Variants in CDH3 observed in about 807,000 individuals in gnomAD.
CDH3 encodes cadherin 3, also known as cadherin-3.
A neutral mutation model predicts 82.0 loss-of-function variants in CDH3; 54 were observed. The ratio of observed to expected loss-of-function variants is 0.66; its 90% CI spans 0.53 to 0.83. CDH3 has a LOEUF of 0.83. CDH3 is among the 40% of genes least tolerant of loss of function. CDH3 has a pLI of 0.00. For synonymous variants in CDH3, 446 were observed against 437.9 expected (o/e 1.02, Z -0.23); for missense variants, 1,054 against 1,084.6 (o/e 0.97, Z 0.40).
chr16:68,689,393 A>G (rs1175430527), intron 12 of CDH3, among the ~76,000 whole-genome samples: 1 of 152,070 alleles, frequency 6.6e-6, no homozygotes, highest in Non-Finnish European at 1.5e-5. Flanking sequence ...ATAATTAGCC[A>G]GGCGTGGTAG....
At chr16:68,672,200 A>AT (rs759044904) in intron 2 of CDH3, among the ~76,000 whole-genome samples, 55,356 of 141,784 alleles carry the variant, frequency 0.39, 11,968 homozygotes, top group East Asian at 0.6. Context: ...CAAAAAAAAA[A>AT]AAAATAAATA....
exon 3 of CDH3, among the ~76,000 whole-genome samples, chr16:68,727,239 C>T (rs897719540): frequency 1.3e-5 from 2 of 152,214 alleles, no homozygotes; most frequent in African/African-American, 4.8e-5. Context: ...AGCAGCCCCC[C>T]AGTGTTCTCA....
intron 2 of CDH3, 156 bp downstream of exon 2, chr16:68,645,906 T>C: frequency 1.6e-6 from 1 of 623,728 alleles, no homozygotes; most frequent in Non-Finnish European, 2.8e-6. Flanking sequence ...GGATTGGGGG[T>C]GGTGGCTGAC....
intron 2 of CDH3, among the ~76,000 whole-genome samples, chr16:68,654,060 A>ATTT (rs201141030): frequency 1.6e-5 from 2 of 125,954 alleles, no homozygotes; most frequent in Non-Finnish European, 3.4e-5. Context: ...TTTGTTCTTA[A>ATTT]TTTTTTTTTT....
At chr16:68,668,695 A>T (rs773862466) in intron 2 of CDH3, among the ~76,000 whole-genome samples, 1 of 152,202 alleles carries the variant, frequency 6.6e-6, no homozygotes, top group Non-Finnish European at 1.5e-5. Context: ...CTCTGGTCCC[A>T]TGTGTCACCA....
chr16:68,719,752 G>C (rs1384313968), intron 1 of CDH3, among the ~76,000 whole-genome samples: 1 of 151,984 alleles, frequency 6.6e-6, no homozygotes, highest in African/African-American at 2.4e-5. Flanking sequence ...GCCCATCTTG[G>C]CCTCCCAAAG....
At chr16:68,664,937 A>G (rs781675259) in intron 2 of CDH3, among the ~76,000 whole-genome samples, 6 of 152,060 alleles carry the variant, frequency 3.9e-5, no homozygotes, top group Non-Finnish European at 5.9e-5. Flanking sequence ...GGCATGAGCC[A>G]CTGTGCCTAG....
Position 68,654,261 on chromosome 16 carries a change from G to A in CDH3, c.160+8511G>A, listed in dbSNP as rs577835165. 2.6e-3 allele frequency among the ~76,000 whole-genome samples: 380 copies of A among 145,702 alleles called. 1 individual carries two copies. Among genetic ancestry groups the A allele is most frequent in the Middle Eastern group, 7.9e-3 (2 of 252 alleles). On this transcript the variant is annotated intron_variant, in intron 2 of 15. Transcript: ENST00000264012. The stretch of plus-strand genomic sequence containing the variant: ...TTTTTAGTAGAGACAGGGTTTCACC[G>A]TGTTAGCCAGGATGATCTCGATCTT...
chr16:68,708,403 C>T (rs572812307), intron 1 of CDH3, among the ~76,000 whole-genome samples: 22 of 102,214 alleles, frequency 2.2e-4, no homozygotes, highest in African/African-American at 7.0e-4. Context: ...GCTGAAGTTT[C>T]ACTCCAAATC....
chr16:68,657,303 C>T (rs1221490673), intron 2 of CDH3, among the ~76,000 whole-genome samples: 7 of 152,020 alleles, frequency 4.6e-5, no homozygotes, highest in South Asian at 4.2e-4. Flanking sequence ...CACCTGAGCT[C>T]GGGAGTTCGA....
chr16:68,723,815 A>G (rs1028687278), intron 2 of CDH3, among the ~76,000 whole-genome samples: 3 of 152,150 alleles, frequency 2.0e-5, no homozygotes, highest in African/African-American at 4.8e-5. Flanking sequence ...CACGCCTGTA[A>G]TCCCAGCACT....
chr16:68,729,391 CTG>C (rs1244821631), downstream of CDH3, among the ~76,000 whole-genome samples: 7 of 152,106 alleles, frequency 4.6e-5, no homozygotes, highest in African/African-American at 1.7e-4. Flanking sequence ...TTAAAGAAGT[CTG>C]TAAGTCTGGA....
chr16:68,663,184 A>G (rs965964042), intron 2 of CDH3, among the ~76,000 whole-genome samples: 3 of 148,944 alleles, frequency 2.0e-5, no homozygotes, highest in Non-Finnish European at 3.0e-5. Flanking sequence ...TTTTTATCCC[A>G]GGAACAAAGG....
At chr16:68,663,499 G>A (rs530170294) in intron 2 of CDH3, among the ~76,000 whole-genome samples, 11 of 152,086 alleles carry the variant, frequency 7.2e-5, no homozygotes, top group Admixed American at 6.5e-4. Flanking sequence ...CTCCCAAAGT[G>A]CTGGGATTAC....
chr16:68,664,832 T>C (rs1960691070), intron 2 of CDH3, among the ~76,000 whole-genome samples: 1 of 151,876 alleles, frequency 6.6e-6, no homozygotes, highest in Admixed American at 6.6e-5. Flanking sequence ...CTAATTTTGG[T>C]AGAGATGGGG....
chr16:68,706,973 A>G (rs1444840534), intron 1 of CDH3, among the ~76,000 whole-genome samples: 1 of 152,166 alleles, frequency 6.6e-6, no homozygotes, highest in African/African-American at 2.4e-5. Flanking sequence ...AATCAGTAAA[A>G]TACGTGGTCT....
intron 2 of CDH3, among the ~76,000 whole-genome samples, chr16:68,648,449 GC>G (rs891231304): frequency 2.1e-5 from 3 of 142,530 alleles, no homozygotes; most frequent in African/African-American, 8.0e-5. Flanking sequence ...AAGTTCCCTG[GC>G]TTTTTTTTTT....
rs77801405 is a variant in CDH3, at chr16:68,714,827, T to C, written c.100-7598T>C. On this transcript the variant is annotated intron_variant, in intron 1 of 2. Transcript: ENST00000569080. ...AAGCCAGGACTAGCCTGGGTCAACA[T>C]AGCAAGACTTCATCATTACAAAAAT... is the stretch of plus-strand genomic sequence containing the variant. Among the ~76,000 whole-genome samples the C allele has an allele frequency of 7.3e-3, 1,117 of 152,064 alleles. 15 individuals are homozygous for C. The highest frequency in any genetic ancestry group is 0.025 in the African/African-American group (1,057 of 41,470).
intron 2 of CDH3, among the ~76,000 whole-genome samples, chr16:68,648,682 T>G (rs1379351150): frequency 6.6e-6 from 1 of 151,980 alleles, no homozygotes; most frequent in East Asian, 1.9e-4. Flanking sequence ...AACTCTGGGC[T>G]CAAGCAATCT....
Sources: allele counts gnomAD v4.1 joint callset (sites outside exome capture counted in the v4.1 genomes callset), GRCh38; gene constraint gnomAD v4.1.1; transcripts MANE v1.5; gene names NCBI Gene and HGNC (gene_info 2026-07-23, HGNC 2026-07-21).